The following ATP8A2 variants were observed in gnomAD, a reference collection of about 807,000 sequenced individuals.
The protein encoded by ATP8A2 is phospholipid-transporting ATPase IB.
In ATP8A2, 100 loss-of-function variants were observed where a neutral mutation model predicts 165.6. That is an observed-to-expected ratio of 0.60 (90% CI 0.51 to 0.71). The LOEUF (loss-of-function observed/expected upper bound fraction) is 0.71, where lower values mean the gene tolerates loss of function less well. ATP8A2 is among the 30% of genes least tolerant of loss of function. The pLI is 0.00. For synonymous variants in ATP8A2, 543 were observed against 548.8 expected (o/e 0.99, Z 0.15); for missense variants, 1,227 against 1,479.5 (o/e 0.83, Z 2.80).
chr13:25,447,291 C>T (rs2035095560), intron 1 of ATP8A2, among the ~76,000 whole-genome samples: 1 of 151,858 alleles, frequency 6.6e-6, no homozygotes, highest in Non-Finnish European at 1.5e-5. Context: ...CATAATTGTA[C>T]ATATTTATGG....
intron 25 of ATP8A2, among the ~76,000 whole-genome samples, chr13:25,714,123 AAAGGAAGGAAGG>A (rs71808617): frequency 1.9e-4 from 29 of 151,348 alleles, no homozygotes; most frequent in African/African-American, 6.6e-4. Context: ...TAAAAGAAAG[AAAGGAAGGAAGG>A]AAGGAAGGAA....
In ATP8A2 at chr13:26,022,643, A is replaced by T. The variant is rs1957098501; in HGVS notation, c.*2658A>T. 1 of 152,180 alleles carries T rather than the reference A, an allele frequency of 6.6e-6. No homozygotes were observed. The highest frequency in any genetic ancestry group is 1.5e-5 in the Non-Finnish European group (1 of 68,042). 9.4% of individuals were successfully genotyped at this position (152,180 alleles called of 1,614,324 possible). ...GGAGGAGCAGCTGTCACTACGTGTG[A>T]TGTATAATATTTAGCCAGGGCCAAC... On this transcript the variant is annotated 3_prime_UTR_variant, in exon 37 of 37. Coordinates refer to ENST00000381655, the MANE Select transcript of ATP8A2 (RefSeq NM_016529.6).
intron 9 of ATP8A2, among the ~76,000 whole-genome samples, chr13:25,542,432 T>C (rs1167567817): frequency 6.6e-6 from 1 of 152,174 alleles, no homozygotes; most frequent in African/African-American, 2.4e-5. Flanking sequence ...GTTCATTTGT[T>C]TTTAGAAAGT....
At chr13:25,717,105 A>T (rs2043271005) in intron 25 of ATP8A2, among the ~76,000 whole-genome samples, 1 of 152,132 alleles carries the variant, frequency 6.6e-6, no homozygotes, top group African/African-American at 2.4e-5. Context: ...GTGCATATCC[A>T]CCTGCTGGCA....
At chr13:25,533,430 C>T (rs997444261) in intron 6 of ATP8A2, 117 bp downstream of exon 6, 2 of 590,066 alleles carry the variant, frequency 3.4e-6, no homozygotes, top group Non-Finnish European at 6.0e-6. Flanking sequence ...TCCATGAGGT[C>T]TGCTGAGACC....
At chr13:25,950,906 G>A (rs941832068) in intron 33 of ATP8A2, 2 of 152,160 alleles carry the variant, frequency 1.3e-5, no homozygotes, top group African/African-American at 2.4e-5. Context: ...ACAGGGTGGT[G>A]GGAAGGTTTG....
intron 1 of ATP8A2, among the ~76,000 whole-genome samples, chr13:25,430,500 G>A (rs1367586400): frequency 6.6e-6 from 1 of 152,174 alleles, no homozygotes; most frequent in Non-Finnish European, 1.5e-5. Context: ...GGTAGCAGAA[G>A]GCCACTGTAG....
intron 2 of ATP8A2, among the ~76,000 whole-genome samples, chr13:25,481,203 AACAGGG>A (rs144557425): frequency 7.2e-4 from 108 of 149,504 alleles, no homozygotes; most frequent in East Asian, 3.7e-3. Flanking sequence ...CAGGGAGAGG[AACAGGG>A]ACAGGGACAG....
intron 25 of ATP8A2, among the ~76,000 whole-genome samples, chr13:25,751,219 G>A (rs1443610028): frequency 6.6e-6 from 1 of 152,208 alleles, no homozygotes; most frequent in African/African-American, 2.4e-5. Context: ...GCCCCAGACT[G>A]TAATAAGCAG....
intron 11 of ATP8A2, 110 bp from the exon 12 acceptor site, chr13:25,553,683 G>A: frequency 4.4e-6 from 5 of 1,136,128 alleles, no homozygotes; most frequent in Middle Eastern, 2.2e-4. Context: ...TTGAACTCAC[G>A]GTTCCTGACA....
At chr13:25,599,812 C>G (rs1193579485) in intron 24 of ATP8A2, among the ~76,000 whole-genome samples, 3 of 152,182 alleles carry the variant, frequency 2.0e-5, no homozygotes, top group African/African-American at 7.2e-5. Context: ...TTTGGTCCTA[C>G]TTGCCATGGA....
intron 15 of ATP8A2, among the ~76,000 whole-genome samples, chr13:25,563,229 G>A (rs1028275976): frequency 1.3e-5 from 2 of 152,076 alleles, no homozygotes; most frequent in African/African-American, 4.8e-5. Context: ...GACCGACATG[G>A]CAAAACCCTG....
At chr13:25,528,546 G>A (rs1428472267) in intron 2 of ATP8A2, among the ~76,000 whole-genome samples, 1 of 152,162 alleles carries the variant, frequency 6.6e-6, no homozygotes, top group Non-Finnish European at 1.5e-5. Flanking sequence ...AGGCTTGGTT[G>A]CTGTCCAGTC....
chr13:25,921,840 A>G (rs886125565), intron 33 of ATP8A2, among the ~76,000 whole-genome samples: 2 of 152,214 alleles, frequency 1.3e-5, no homozygotes, highest in Non-Finnish European at 2.9e-5. Context: ...ATTAAAGTGA[A>G]AAGTATATTG....
At chr13:25,832,065 G>A (rs1352822948) in intron 28 of ATP8A2, among the ~76,000 whole-genome samples, 3 of 151,646 alleles carry the variant, frequency 2.0e-5, no homozygotes, top group South Asian at 2.1e-4. Flanking sequence ...TCAGCCTCCC[G>A]AGTAGCCAGG....
At position 25,475,090 on chromosome 13, in the gene ATP8A2, G is replaced by A. The variant is rs188444184; in HGVS notation, c.221+5969G>A. Among the ~76,000 whole-genome samples, 380 of 152,154 alleles carry A rather than the reference G, an allele frequency of 2.5e-3. 1 individual carries two copies. Among genetic ancestry groups the A allele is most frequent in the Non-Finnish European group, 3.7e-3 (254 of 67,984 alleles). ...CCGCCTTGGCCTCCCAAAGTGCTGG[G>A]ATTACAGGTGTGGCTCACACCTGTA... is the stretch of plus-strand genomic sequence containing the variant. On this transcript the variant is annotated intron_variant, in intron 2 of 36. Coordinates refer to ENST00000381655, the MANE Select transcript of ATP8A2 (RefSeq NM_016529.6).
intron 27 of ATP8A2, among the ~76,000 whole-genome samples, chr13:25,781,550 G>A (rs2044879507): frequency 1.3e-5 from 2 of 151,890 alleles, no homozygotes; most frequent in South Asian, 4.2e-4. Flanking sequence ...ATGCAGTAGT[G>A]CAGTGTTGGC....
At chr13:25,992,505 C>T (rs998386495) in intron 35 of ATP8A2, among the ~76,000 whole-genome samples, 6 of 151,918 alleles carry the variant, frequency 3.9e-5, no homozygotes, top group Non-Finnish European at 7.4e-5. Flanking sequence ...CATTCTGTAC[C>T]ATGTTCTTTC....
At position 25,606,365 on chromosome 13, in the gene ATP8A2, C is replaced by T. The variant is rs146248616; in HGVS notation, c.2211+16666C>T. Among the ~76,000 whole-genome samples, 687 of 152,112 alleles carry T rather than the reference C, an allele frequency of 4.5e-3. 7 individuals carry two copies. The highest frequency in any genetic ancestry group is 0.016 in the African/African-American group (648 of 41,480). On this transcript the variant is annotated intron_variant, in intron 24 of 36. Coordinates refer to ENST00000381655, the MANE Select transcript of ATP8A2 (RefSeq NM_016529.6). ...TTTAAATTTTCCAATCTTAATTGTACGATTTAAGAACATGTTGAAGAAGAA... is the reference window on the plus strand; with the variant it reads ...TTTAAATTTTCCAATCTTAATTGTATGATTTAAGAACATGTTGAAGAAGAA...
Sources: gnomAD v4.1 joint callset for allele counts (sites outside exome capture counted in the v4.1 genomes callset) on GRCh38, gnomAD v4.1.1 for gene constraint, MANE v1.5 for transcripts, NCBI Gene and HGNC (gene_info 2026-07-23, HGNC 2026-07-21) for gene names.